RSF1: variants seen among roughly 807,000 people sequenced by gnomAD.
RSF1 encodes remodeling and spacing factor 1.
In RSF1, 13 loss-of-function variants were observed where a neutral mutation model predicts 145.2. The observed-to-expected ratio is 0.09, with a 90% CI of 0.06 to 0.14. The LOEUF (loss-of-function observed/expected upper bound fraction) is 0.14, where lower values mean the gene tolerates loss of function less well. Among genes scored for constraint, RSF1 ranks in the 10% least tolerant of loss-of-function variants. The pLI is 1.00. For missense variants in RSF1, 1,517 were observed against 1,718.2 expected (o/e 0.88, Z 2.07); for synonymous variants, 577 against 592.6 (o/e 0.97, Z 0.38).
chr11:77,785,153 C>A (rs1359787378), intron 1 of RSF1, among the ~76,000 whole-genome samples: 1 of 152,172 alleles, frequency 6.6e-6, no homozygotes, highest in African/African-American at 2.4e-5. Context: ...ACCCATCACC[C>A]AGGGAAAACA....
intron 5 of RSF1, among the ~76,000 whole-genome samples, chr11:77,714,181 G>A (rs1960752332): frequency 6.6e-6 from 1 of 152,168 alleles, no homozygotes; most frequent in Non-Finnish European, 1.5e-5. Context: ...CCTATGCCCA[G>A]CAGTTTCACA....
chr11:77,780,839 AAAG>A (rs1464722211), intron 1 of RSF1, among the ~76,000 whole-genome samples: 1 of 151,486 alleles, frequency 6.6e-6, no homozygotes, highest in African/African-American at 2.4e-5. Context: ...AAAAAAAAAA[AAAG>A]AGACTATGAC....
At chr11:77,726,879 A>C (rs749000236) in intron 4 of RSF1, among the ~76,000 whole-genome samples, 17 of 152,216 alleles carry the variant, frequency 1.1e-4, no homozygotes, top group Non-Finnish European at 1.9e-4. Flanking sequence ...GCCCCTGGAC[A>C]AGTTGTATAT....
chr11:77,722,350 G>C (rs768374938), intron 5 of RSF1, among the ~76,000 whole-genome samples: 7 of 152,098 alleles, frequency 4.6e-5, no homozygotes, highest in African/African-American at 7.2e-5. Flanking sequence ...AACGGCCTTT[G>C]GTGTATTTGT....
In RSF1 at chr11:77,725,654, T is replaced by C. The variant is rs373758884; in HGVS notation, c.624A>G (p.Gln208=). The change falls in exon 5 of 16, where the codon CAA becomes CAG. Residue 208 remains glutamine, a synonymous_variant. Transcript: ENST00000308488. ...LAETLALLKA[Q]IDPVLLKNSS... ...AGTTTTTCAATAGTACAGGATCAAT[T>C]TGTGCTTTCAGGAGTGCAAGAGTCT... The C allele has an allele frequency of 3.4e-5, 55 of 1,607,114 alleles. No homozygotes were observed. Among genetic ancestry groups the C allele is most frequent in the Non-Finnish European group, 4.3e-5 (50 of 1,176,342 alleles).
the RSF1 span, among the ~76,000 whole-genome samples, chr11:77,827,405 C>A: frequency 6.6e-6 from 1 of 152,072 alleles, no homozygotes; most frequent in Non-Finnish European, 1.5e-5. Context: ...ACTAGCAAAC[C>A]AGTTCCAACC....
At chr11:77,866,302 T>G in the RSF1 span, 1 of 152,170 alleles carries the variant, frequency 6.6e-6, no homozygotes, top group East Asian at 1.9e-4. Context: ...TTTTACCACC[T>G]TAGATCGTGT....
the RSF1 span, among the ~76,000 whole-genome samples, chr11:77,828,729 C>T: frequency 2.7e-5 from 4 of 149,756 alleles, no homozygotes; most frequent in East Asian, 3.9e-4. Context: ...TTTTAAAAGA[C>T]GTACATGGGA....
rs1054261974 is a variant in RSF1, at chr11:77,665,918, T to A, written c.*999A>T. On this transcript the variant is annotated 3_prime_UTR_variant, in exon 16 of 16. Coordinates refer to ENST00000308488, the MANE Select transcript of RSF1 (RefSeq NM_016578.4). Reference sequence around the variant, plus strand: ...AATTCACCTGAAAATCTCTTCCCAGTCTTCAAATGTGCTAAAATATCACTG... The same window carrying A: ...AATTCACCTGAAAATCTCTTCCCAGACTTCAAATGTGCTAAAATATCACTG... 1 of 152,240 alleles carries A rather than the reference T, an allele frequency of 6.6e-6. No individual in the cohort carries two copies. Among genetic ancestry groups the A allele is most frequent in the African/African-American group, 2.4e-5 (1 of 41,466 alleles). 9.4% of individuals were successfully genotyped at this position (152,240 alleles called of 1,614,324 possible).
intron 1 of RSF1, chr11:77,813,555 C>T (rs1196724544): frequency 5.6e-6 from 4 of 708,812 alleles, no homozygotes; most frequent in South Asian, 4.4e-5. Flanking sequence ...CTCTGCTCCT[C>T]TGATGAAGTC....
chr11:77,795,410 T>C (rs564248633), intron 1 of RSF1, among the ~76,000 whole-genome samples: 1 of 151,930 alleles, frequency 6.6e-6, no homozygotes, highest in South Asian at 2.1e-4. Context: ...AGCAAAAGGA[T>C]CCAAACAGAG....
the RSF1 span, among the ~76,000 whole-genome samples, chr11:77,843,436 T>C: frequency 7.9e-5 from 12 of 152,130 alleles, no homozygotes; most frequent in Non-Finnish European, 1.5e-4. Context: ...GTCCTGCTCC[T>C]CCTGGGAAGG....
At chr11:77,682,005 A>AT (rs1421758545) in intron 11 of RSF1, among the ~76,000 whole-genome samples, 1 of 152,094 alleles carries the variant, frequency 6.6e-6, no homozygotes, top group African/African-American at 2.4e-5. Context: ...CATAATCTCT[A>AT]TGGTTTTTCC....
chr11:77,815,592 C>T (rs757014907), intron 1 of RSF1, among the ~76,000 whole-genome samples: 6 of 152,068 alleles, frequency 3.9e-5, no homozygotes, highest in Non-Finnish European at 7.4e-5. Flanking sequence ...TAGTTTACAA[C>T]TGTAGACTAG....
chr11:77,707,339 G>C (rs934724371), intron 5 of RSF1, among the ~76,000 whole-genome samples: 2 of 152,136 alleles, frequency 1.3e-5, no homozygotes, highest in African/African-American at 4.8e-5. Context: ...GTCTTATGTA[G>C]ACTGTAAAGC....
intron 1 of RSF1, among the ~76,000 whole-genome samples, chr11:77,814,579 G>A (rs968564556): frequency 6.6e-6 from 1 of 152,092 alleles, no homozygotes; most frequent in African/African-American, 2.4e-5. Flanking sequence ...CCGAGTAGCT[G>A]GGATTACAGG....
At chr11:77,814,729 G>GCCA (rs1254303207) in intron 1 of RSF1, among the ~76,000 whole-genome samples, 1 of 152,154 alleles carries the variant, frequency 6.6e-6, no homozygotes, top group Non-Finnish European at 1.5e-5. Context: ...ACAGGCATGA[G>GCCA]CCACCGTGCC....
upstream of RSF1, chr11:77,821,110 C>A: frequency 2.3e-6 from 1 of 438,972 alleles, no homozygotes; most frequent in Non-Finnish European, 4.0e-6. Context: ...GGGCCTCGGG[C>A]GCTGTTCAAC....
chr11:77,696,422 T>C (rs1960279253), intron 7 of RSF1, among the ~76,000 whole-genome samples: 1 of 152,238 alleles, frequency 6.6e-6, no homozygotes, highest in South Asian at 2.1e-4. Context: ...CAGCAGCATA[T>C]TCTTATGATT....
Sources: allele counts gnomAD v4.1 joint callset (sites outside exome capture counted in the v4.1 genomes callset), GRCh38; gene constraint gnomAD v4.1.1; transcripts MANE v1.5; gene names NCBI Gene and HGNC (gene_info 2026-07-23, HGNC 2026-07-21).